Variants in PIGU observed in about 807,000 individuals in gnomAD.
The protein encoded by PIGU is GPI-anchor transamidase component PIGU.
Under a neutral mutation model 49.9 loss-of-function variants are expected in PIGU, and 24 were observed. The ratio of observed to expected loss-of-function variants is 0.48; its 90% CI spans 0.35 to 0.68. The LOEUF is 0.68. Among genes scored for constraint, PIGU ranks in the 30% least tolerant of loss-of-function variants. The pLI, the probability that PIGU is intolerant of heterozygous loss-of-function variation, is 0.01. For synonymous variants in PIGU, 220 were observed against 205.7 expected, an observed-to-expected ratio of 1.07 and a Z score of -0.59; for missense variants, 490 against 532.6, an observed-to-expected ratio of 0.92 and a Z score of 0.79.
chr20:34,571,352 C>T lies in PIGU; in HGVS notation c.1194+3752G>A, dbSNP rs76870314. Reference sequence around the variant, plus strand: ...CTGCCGGTATAACTAATAATCCACACATAATTTGTTCTGTAATAGGGTATG... The same window carrying T: ...CTGCCGGTATAACTAATAATCCACATATAATTTGTTCTGTAATAGGGTATG... On this transcript the variant is annotated intron_variant, in intron 11 of 11. Coordinates refer to ENST00000217446, the MANE Select transcript of PIGU (RefSeq NM_080476.5). Among the ~76,000 whole-genome samples the T allele has an allele frequency of 6.6e-5, 10 of 152,264 alleles. No homozygotes were observed. In the East Asian group the frequency reaches 1.5e-3, roughly 23 times the overall value.
chr20:34,644,839 T>C (rs756894494), intron 3 of PIGU, among the ~76,000 whole-genome samples: 3 of 152,170 alleles, frequency 2.0e-5, no homozygotes, highest in South Asian at 2.1e-4. Context: ...AAGCCAATCA[T>C]AGAATCTCAG....
At chr20:34,629,290 G>A (rs937109089) in intron 6 of PIGU, among the ~76,000 whole-genome samples, 1 of 152,112 alleles carries the variant, frequency 6.6e-6, no homozygotes, top group African/African-American at 2.4e-5. Context: ...CCAAAGTGCT[G>A]GGATTACAGG....
At chr20:34,640,498 C>T (rs1035963793) in intron 4 of PIGU, among the ~76,000 whole-genome samples, 313 of 24,258 alleles carry the variant, frequency 0.013, no homozygotes, top group African/African-American at 0.039. Flanking sequence ...TGTGCGCACG[C>T]GCACACACAC....
At chr20:34,660,909 A>G (rs1052436981) in intron 1 of PIGU, among the ~76,000 whole-genome samples, 15 of 152,200 alleles carry the variant, frequency 9.9e-5, no homozygotes, top group African/African-American at 2.7e-4. Flanking sequence ...CATTGTATCA[A>G]TGTTAATTTT....
At chr20:34,576,144 G>A (rs936999119) in intron 10 of PIGU, among the ~76,000 whole-genome samples, 2 of 152,130 alleles carry the variant, frequency 1.3e-5, no homozygotes, top group East Asian at 1.9e-4. Flanking sequence ...GGAGGCTGAG[G>A]TAGGAAGATT....
At chr20:34,617,237 C>T (rs549842713) in intron 6 of PIGU, among the ~76,000 whole-genome samples, 2 of 152,298 alleles carry the variant, frequency 1.3e-5, no homozygotes, top group East Asian at 3.9e-4. Context: ...TCACTGTCCT[C>T]CAGATTCCAG....
At chr20:34,637,546 C>T (rs1986006395) in intron 5 of PIGU, among the ~76,000 whole-genome samples, 1 of 152,168 alleles carries the variant, frequency 6.6e-6, no homozygotes, top group Admixed American at 6.5e-5. Context: ...AAAAACCAAA[C>T]TTTTATTCAA....
At chr20:34,671,354 C>T (rs1156535924) in intron 1 of PIGU, among the ~76,000 whole-genome samples, 10 of 152,058 alleles carry the variant, frequency 6.6e-5, no homozygotes, top group Middle Eastern at 3.4e-3. Context: ...CTCTGCCCCC[C>T]GGGTTCAAGT....
At chr20:34,623,296 G>C (rs1339563779) in intron 6 of PIGU, among the ~76,000 whole-genome samples, 1 of 152,162 alleles carries the variant, frequency 6.6e-6, no homozygotes, top group Admixed American at 6.5e-5. Flanking sequence ...GATCCTGGGG[G>C]CAGGGCCAAT....
At chr20:34,585,345 C>T (rs1005791292) in intron 9 of PIGU, 92 bp downstream of exon 9, 19 of 1,421,996 alleles carry the variant, frequency 1.3e-5, no homozygotes, top group Middle Eastern at 1.8e-4. Context: ...ACAGCAGGTG[C>T]TCCACATTTG....
chr20:34,662,849 C>T (rs1386172713), intron 1 of PIGU, among the ~76,000 whole-genome samples: 1 of 152,092 alleles, frequency 6.6e-6, no homozygotes, highest in Non-Finnish European at 1.5e-5. Context: ...TTTTCATCTT[C>T]ATTTTATGAA....
At chr20:34,643,582 A>C (rs1183654478) in intron 4 of PIGU, 2 of 152,470 alleles carry the variant, frequency 1.3e-5, no homozygotes, top group East Asian at 3.8e-4. Context: ...TAATCTGTTA[A>C]CTTTCTCAGA....
chr20:34,584,977 T>C (rs1983639640), intron 9 of PIGU, among the ~76,000 whole-genome samples: 1 of 152,178 alleles, frequency 6.6e-6, no homozygotes, highest in African/African-American at 2.4e-5. Context: ...CGTGAGCCAC[T>C]GCACCCAGGC....
In PIGU at chr20:34,585,551, A is replaced by T; in HGVS notation, c.812T>A (p.Ile271Asn). 1 of 1,613,822 alleles carries T rather than the reference A, an allele frequency of 6.2e-7. No homozygotes were observed. The highest frequency in any genetic ancestry group is 1.1e-5 in the South Asian group (1 of 91,072). The change falls in exon 9 of 12, where the codon ATT becomes AAT. Residue 271 changes from isoleucine (I) to asparagine (N), a missense_variant. By Grantham distance (149) the Ile-to-Asn change is moderately radical. Transcript: ENST00000217446. ...ILSVPDLTPNIGLFWYFFAEM... is the reference protein window; with the variant it reads ...ILSVPDLTPNNGLFWYFFAEM... ...TGCAAAGAAGTACCAGAAAAGACCA[A>T]TGTTTGGAGTGAGATCTGGAACAGA...
At chr20:34,569,230 T>TA (rs1434030400) in intron 11 of PIGU, among the ~76,000 whole-genome samples, 5 of 151,996 alleles carry the variant, frequency 3.3e-5, no homozygotes, top group Admixed American at 6.6e-5. Flanking sequence ...GAAATAAAAT[T>TA]AAAAAAAATT....
intron 6 of PIGU, among the ~76,000 whole-genome samples, chr20:34,623,555 C>A (rs548011099): frequency 6.6e-6 from 1 of 152,124 alleles, no homozygotes; most frequent in Non-Finnish European, 1.5e-5. Context: ...GGTCACGAAA[C>A]TAGTGAATGA....
chr20:34,635,534 T>C (rs2146761582), intron 5 of PIGU, among the ~76,000 whole-genome samples: 1 of 152,300 alleles, frequency 6.6e-6, no homozygotes, highest in Admixed American at 6.5e-5. Flanking sequence ...CATAACAAAT[T>C]GTTTGTATTT....
intron 8 of PIGU, 107 bp from the exon 9 acceptor site, chr20:34,585,687 C>T (rs576058458): frequency 5.9e-5 from 76 of 1,277,838 alleles, no homozygotes; most frequent in East Asian, 2.1e-4. Context: ...CAGCCAAGGA[C>T]GACTTTCTCC....
chr20:34,621,768 C>T (rs1418637573), intron 6 of PIGU, among the ~76,000 whole-genome samples: 3 of 152,170 alleles, frequency 2.0e-5, no homozygotes, highest in African/African-American at 7.2e-5. Context: ...AATAAGCAAA[C>T]ATTTCTGGAG....
Sources: gnomAD v4.1 joint callset for allele counts (sites outside exome capture counted in the v4.1 genomes callset) on GRCh38, gnomAD v4.1.1 for gene constraint, MANE v1.5 for transcripts, NCBI Gene and HGNC (gene_info 2026-07-23, HGNC 2026-07-21) for gene names.